The following APOL6 variants were observed in gnomAD, a reference collection of about 807,000 sequenced individuals.
The protein encoded by APOL6 is apolipoprotein L, 6.
A neutral mutation model predicts 2.4 loss-of-function variants in APOL6; 1 was observed. The ratio of observed to expected loss-of-function variants is 0.41; its 90% CI spans 0.15 to 1.94. The LOEUF (loss-of-function observed/expected upper bound fraction) is 1.94, where lower values mean the gene tolerates loss of function less well. Among genes scored for constraint, APOL6 ranks in the 30% most tolerant of loss-of-function variants. The pLI is 0.30. For missense variants in APOL6, 438 were observed against 429.2 expected (o/e 1.02, Z -0.18); for synonymous variants, 189 against 169.3 (o/e 1.12, Z -0.90).
rs1924988541 is a variant in APOL6 at position 35,660,356 on chromosome 22, A to G, written c.*760A>G. On this transcript the variant is annotated 3_prime_UTR_variant, in exon 3 of 3. Coordinates refer to ENST00000409652, the MANE Select transcript of APOL6 (RefSeq NM_030641.4). ...TTGCAGATGCAGCAAGAAGGCAGCC[A>G]TCTGCAAGGCAGAAGAAGAGAGCCC... 1 of 152,330 alleles carries G rather than the reference A, an allele frequency of 6.6e-6. No individual in the cohort carries two copies. Among genetic ancestry groups the G allele is most frequent in the African/African-American group, 2.4e-5 (1 of 41,480 alleles). 9.4% of individuals were successfully genotyped at this position (152,330 alleles called of 1,614,324 possible).
intron 1 of APOL6, among the ~76,000 whole-genome samples, chr22:35,650,233 G>T (rs1284356405): frequency 6.6e-6 from 1 of 152,124 alleles, no homozygotes; most frequent in Non-Finnish European, 1.5e-5. Flanking sequence ...AGGGGAGAAG[G>T]TTTTTATCTT....
At chr22:35,649,458 A>G (rs147518602) in intron 1 of APOL6, among the ~76,000 whole-genome samples, 117 of 150,934 alleles carry the variant, frequency 7.8e-4, no homozygotes, top group Middle Eastern at 3.4e-3. Flanking sequence ...AAAAAAATCT[A>G]GGGAGGTTAT....
At chr22:35,651,661 C>T (rs549321924) in intron 1 of APOL6, among the ~76,000 whole-genome samples, 1 of 151,394 alleles carries the variant, frequency 6.6e-6, no homozygotes, top group African/African-American at 2.4e-5. Context: ...GGTTTTTTGT[C>T]CTTGCGATAG....
At position 35,664,904 on chromosome 22, in the gene APOL6, T is replaced by G. The variant is rs185827009; in HGVS notation, c.*5308T>G. The G allele has an allele frequency of 5.3e-5, 8 of 151,388 alleles. No homozygotes were observed. Among genetic ancestry groups the G allele is most frequent in the Non-Finnish European group, 1.0e-4 (7 of 67,796 alleles). The allele number at this position is 151,388 out of a possible 1,614,324, so 9.4% of individuals were successfully genotyped here. On this transcript the variant is annotated 3_prime_UTR_variant, in exon 3 of 3. Transcript: ENST00000409652. Reference sequence around the variant, plus strand: ...AACCAGAAAAGAAAAAAAATGTAAATAAAGTTATAAAAATAAAGAATTTTT... The same window carrying G: ...AACCAGAAAAGAAAAAAAATGTAAAGAAAGTTATAAAAATAAAGAATTTTT...
Position 35,652,224 on chromosome 22 carries a change from C to T in APOL6, c.-48+3601C>T, listed in dbSNP as rs564937535. Among the ~76,000 whole-genome samples, 473 of 151,628 alleles carry T rather than the reference C, an allele frequency of 3.1e-3. 2 individuals are homozygous for T. The highest frequency in any genetic ancestry group is 9.5e-3 in the African/African-American group (390 of 41,248). On this transcript the variant is annotated intron_variant, in intron 1 of 2. Transcript: ENST00000409652. ...TTGAGAAGTGTCTGTTCATATCCTT[C>T]GCCCACTTTTTGATGGAGTTGTTTG...
At chr22:35,653,514 G>C (rs1316146706) in intron 1 of APOL6, among the ~76,000 whole-genome samples, 2 of 152,170 alleles carry the variant, frequency 1.3e-5, no homozygotes, top group East Asian at 3.8e-4. Flanking sequence ...TGCCCATTCA[G>C]TATGATATTG....
intron 1 of APOL6, among the ~76,000 whole-genome samples, chr22:35,653,921 G>A (rs1049224721): frequency 6.6e-6 from 1 of 152,200 alleles, no homozygotes; most frequent in African/African-American, 2.4e-5. Flanking sequence ...CACAACTTTT[G>A]TCCAACTTGG....
intron 2 of APOL6, 116 bp from the exon 3 acceptor site, chr22:35,658,499 T>G: frequency 1.1e-6 from 1 of 884,654 alleles, no homozygotes; most frequent in Non-Finnish European, 1.7e-6. Flanking sequence ...TTTCAGGGGA[T>G]TTTGTAGGGA....
chr22:35,654,702 CTTTG>C (rs962440249), intron 1 of APOL6, among the ~76,000 whole-genome samples: 10 of 151,860 alleles, frequency 6.6e-5, no homozygotes, highest in South Asian at 2.1e-4. Context: ...TAAATTACTG[CTTTG>C]TTTGGTGAAA....
At chr22:35,648,827 T>C (rs550231081) in intron 1 of APOL6, among the ~76,000 whole-genome samples, 1 of 152,356 alleles carries the variant, frequency 6.6e-6, no homozygotes, top group East Asian at 1.9e-4. Context: ...TTCCCTCCCT[T>C]ACAGCCATTT....
intron 1 of APOL6, among the ~76,000 whole-genome samples, chr22:35,655,946 T>C (rs1256172690): frequency 6.6e-6 from 1 of 152,186 alleles, no homozygotes; most frequent in Non-Finnish European, 1.5e-5. Context: ...GGAAAGTAAG[T>C]CAATGTCATC....
Position 35,659,206 on chromosome 22 carries a change from C to A in APOL6, c.642C>A (p.Ser214Arg), listed in dbSNP as rs575853273. The A allele has an allele frequency of 6.2e-7, 1 of 1,614,082 alleles. No individual in the cohort carries two copies. The highest frequency in any genetic ancestry group is 1.1e-5 in the South Asian group (1 of 91,086). Residue 214 changes from serine to arginine, a missense_variant, in exon 3 of 3, where the codon AGC (serine) becomes AGA (arginine). Ser to Arg is a moderately radical substitution (Grantham distance 110, BLOSUM62 -1). Coordinates refer to ENST00000409652, the MANE Select transcript of APOL6 (RefSeq NM_030641.4). ...LLTTGQVSSR[S>R]RVQVQKAFAG... Reference sequence around the variant, plus strand: ...CCACTGGCCAAGTCTCCTCCCGGAGCCGCGTGCAGGTGCAAAAGGCCTTTG... The same window carrying A: ...CCACTGGCCAAGTCTCCTCCCGGAGACGCGTGCAGGTGCAAAAGGCCTTTG...
chr22:35,667,810 T>C lies in APOL6; in HGVS notation c.*8214T>C, dbSNP rs1220324839. ...GTTTTATTTTTTTTCTTACAGGAAC[T>C]CTTGCAAGAAGAAAGGACTATGAGT... On this transcript the variant is annotated 3_prime_UTR_variant, in exon 3 of 3. Transcript: ENST00000409652. The C allele has an allele frequency of 8.5e-5, 13 of 152,180 alleles. No homozygotes were observed. Among genetic ancestry groups the C allele is most frequent in the Non-Finnish European group, 2.9e-5 (2 of 68,022 alleles). 9.4% of individuals were successfully genotyped at this position (152,180 alleles called of 1,614,324 possible). A position where few individuals can be genotyped will look rare whatever the true frequency, so the allele number is the denominator to read the frequency against.
chr22:35,659,851 T>A lies in APOL6; in HGVS notation c.*255T>A. 3.2e-5 allele frequency: 16 copies of A among 497,094 alleles called. No individual in the cohort carries two copies. The highest frequency in any genetic ancestry group is 4.8e-5 in the Non-Finnish European group (14 of 289,068). The allele number at this position is 497,094 out of a possible 1,614,324, so 30.8% of individuals were successfully genotyped here. A position where few individuals can be genotyped will look rare whatever the true frequency, so the allele number is the denominator to read the frequency against. ...CGTAATCTCGGCTCACTGCAACCTC[T>A]GCCTCCTGAGTGCAAGCAAGTCTCC... On this transcript the variant is annotated 3_prime_UTR_variant, in exon 3 of 3. Coordinates refer to ENST00000409652, the MANE Select transcript of APOL6 (RefSeq NM_030641.4).
At chr22:35,649,155 G>A (rs1924623429) in intron 1 of APOL6, among the ~76,000 whole-genome samples, 1 of 152,190 alleles carries the variant, frequency 6.6e-6, no homozygotes, top group Admixed American at 6.5e-5. Context: ...GGGCGACTAG[G>A]CCAGGCGCAG....
Position 35,665,560 on chromosome 22 carries a change from T to A in APOL6, c.*5964T>A, listed in dbSNP as rs1477155971. The A allele has an allele frequency of 6.6e-6, 1 of 152,218 alleles. No individual in the cohort carries two copies. The highest frequency in any genetic ancestry group is 1.5e-5 in the Non-Finnish European group (1 of 68,030). The allele number at this position is 152,218 out of a possible 1,614,324, so 9.4% of individuals were successfully genotyped here. A position where few individuals can be genotyped will look rare whatever the true frequency, so the allele number is the denominator to read the frequency against. On this transcript the variant is annotated 3_prime_UTR_variant, in exon 3 of 3. Transcript: ENST00000409652. ...TGCAAAATCAGTATATGGACCCCTG[T>A]GTCTGATTAGCAAGGTTTTCTTGAA... is the stretch of plus-strand genomic sequence containing the variant.
chr22:35,656,352 A>G, intron 1 of APOL6, 27 bp from the exon 2 acceptor site: 1 of 1,554,718 alleles, frequency 6.4e-7, no homozygotes, highest in Non-Finnish European at 8.9e-7. Context: ...ATGTGCAGTA[A>G]CGTTGTTTTT....
rs752858557 is a variant in APOL6, at chr22:35,658,854, C to A, written c.290C>A (p.Ala97Asp). The change falls in exon 3 of 3, where the codon GCC becomes GAC. Residue 97 changes from alanine to aspartate, a missense_variant. Physicochemically the swap from Ala to Asp is moderately radical, Grantham distance 126 (BLOSUM62 -2). Coordinates refer to ENST00000409652, the MANE Select transcript of APOL6 (RefSeq NM_030641.4). ...GGAGTGATGAGCCTCCTGGGTTTAG[C>A]CCTTGCCCCAGCAACAGGAGGAGGA... Reference protein sequence around the residue: ...ISGVMSLLGLALAPATGGGSL... With the variant: ...ISGVMSLLGLDLAPATGGGSL... The A allele has an allele frequency of 5.6e-6, 9 of 1,614,014 alleles. No individual in the cohort carries two copies. The highest frequency in any genetic ancestry group is 3.3e-5 in the South Asian group (3 of 91,084).
In APOL6 at chr22:35,664,955, A is replaced by G; in HGVS notation, c.*5359A>G. 1 of 152,064 alleles carries G rather than the reference A, an allele frequency of 6.6e-6. No homozygotes were observed. Among genetic ancestry groups the G allele is most frequent in the South Asian group, 2.1e-4 (1 of 4,828 alleles). 9.4% of individuals were successfully genotyped at this position (152,064 alleles called of 1,614,324 possible). On this transcript the variant is annotated 3_prime_UTR_variant, in exon 3 of 3. Coordinates refer to ENST00000409652, the MANE Select transcript of APOL6 (RefSeq NM_030641.4). ...TCAAGGTTAAAAAGCTGAAAAAGAA[A>G]TAATTTTATATAAGAAAGAATTTTA...
Sources: gnomAD v4.1 joint callset for allele counts (sites outside exome capture counted in the v4.1 genomes callset) on GRCh38, gnomAD v4.1.1 for gene constraint, MANE v1.5 for transcripts, NCBI Gene and HGNC (gene_info 2026-07-23, HGNC 2026-07-21) for gene names.